TRAPPC9: variants seen among roughly 807,000 people sequenced by gnomAD.
TRAPPC9 encodes the protein IKK2 binding protein.
In TRAPPC9, 83 loss-of-function variants were observed where a neutral mutation model predicts 124.0. The ratio of observed to expected loss-of-function variants is 0.67; its 90% CI spans 0.56 to 0.80. The LOEUF (loss-of-function observed/expected upper bound fraction) is 0.80, where lower values mean the gene tolerates loss of function less well. TRAPPC9 is among the 30% of genes least tolerant of loss of function. TRAPPC9 has a pLI of 0.00. For synonymous variants in TRAPPC9, 638 were observed against 617.5 expected, an observed-to-expected ratio of 1.03 and a Z score of -0.49; for missense variants, 1,302 against 1,508.3, an observed-to-expected ratio of 0.86 and a Z score of 2.27.
chr8:139,898,191 C>A (rs548604756), intron 20 of TRAPPC9, among the ~76,000 whole-genome samples: 1 of 152,348 alleles, frequency 6.6e-6, no homozygotes, highest in Admixed American at 6.5e-5. Flanking sequence ...ATATGGCAGG[C>A]AGGGAGCCCC....
intron 10 of TRAPPC9, among the ~76,000 whole-genome samples, chr8:140,303,570 C>T (rs2066041904): frequency 6.6e-6 from 1 of 152,206 alleles, no homozygotes; most frequent in South Asian, 2.1e-4. Flanking sequence ...GGCTTGGCTG[C>T]CTCCTGGCAG....
At chr8:140,379,259 G>A (rs975707482) in intron 7 of TRAPPC9, among the ~76,000 whole-genome samples, 3 of 152,170 alleles carry the variant, frequency 2.0e-5, no homozygotes, top group African/African-American at 7.2e-5. Context: ...CCCTAGTGGA[G>A]GTCATCTCCC....
At chr8:139,892,201 C>T (rs996315537) in intron 20 of TRAPPC9, among the ~76,000 whole-genome samples, 15 of 152,242 alleles carry the variant, frequency 9.9e-5, no homozygotes, top group African/African-American at 3.6e-4. Context: ...ATCTCCTGCA[C>T]TGCTGTGCTG....
intron 21 of TRAPPC9, among the ~76,000 whole-genome samples, chr8:139,853,758 T>C (rs756886463): frequency 6.6e-6 from 1 of 152,132 alleles, no homozygotes; most frequent in Non-Finnish European, 1.5e-5. Context: ...ATGTGCTCAC[T>C]CTGAGCACCC....
At chr8:140,335,812 T>C (rs1273629571) in intron 9 of TRAPPC9, among the ~76,000 whole-genome samples, 1 of 151,194 alleles carries the variant, frequency 6.6e-6, no homozygotes, top group South Asian at 2.1e-4. Flanking sequence ...GTTCAAGCGA[T>C]TCTCCCGCTT....
intron 19 of TRAPPC9, among the ~76,000 whole-genome samples, chr8:139,914,528 C>T (rs2306078): frequency 0.78 from 118,622 of 152,114 alleles, 46,242 homozygotes; most frequent in Admixed American, 0.83. Context: ...GCTGGATGCC[C>T]AGCTCGGCTT....
At chr8:140,417,998 G>A (rs913626840) in intron 5 of TRAPPC9, among the ~76,000 whole-genome samples, 3 of 152,164 alleles carry the variant, frequency 2.0e-5, no homozygotes, top group Non-Finnish European at 4.4e-5. Flanking sequence ...ACTCATAAGT[G>A]GGAGCTGAAC....
chr8:140,114,999 T>C (rs2060852294), intron 17 of TRAPPC9, among the ~76,000 whole-genome samples: 1 of 152,178 alleles, frequency 6.6e-6, no homozygotes. Flanking sequence ...GGACACTTCC[T>C]GACTGAAGGA....
rs71320347 is a variant in TRAPPC9, at chr8:140,231,481, C to CTTTTTTTTTT, written c.2432-9908_2432-9899dup. Among the ~76,000 whole-genome samples, 16 of 56,990 alleles carry CTTTTTTTTTT rather than the reference C, an allele frequency of 2.8e-4. 1 individual carries two copies. The highest frequency in any genetic ancestry group is 1.1e-3 in the African/African-American group (15 of 13,764). The allele number at this position is 56,990 out of a possible 152,430, so 37.4% of individuals were successfully genotyped here. On this transcript the variant is annotated intron_variant, in intron 16 of 22. Coordinates refer to ENST00000438773, the MANE Select transcript of TRAPPC9 (RefSeq NM_001160372.4). ...AACTGCTAGTAAATCACTGCCTTTT[C>CTTTTTTTTTT]TTTTTTTTTTTTTTTTTTTTTTTTT...
At position 139,982,793 on chromosome 8, in the gene TRAPPC9, G is replaced by A. The variant is rs1158595690; in HGVS notation, c.2810+5933C>T. Among the ~76,000 whole-genome samples the A allele has an allele frequency of 4.6e-5, 7 of 152,108 alleles. No homozygotes were observed. The East Asian group carries it at 9.6e-4, about 21-fold the overall frequency. ...TAAAGTATGAGACTAACAAGATCTC[G>A]CTAAGAAATATGATAAGAGTGGCAT... On this transcript the variant is annotated intron_variant, in intron 19 of 22. Coordinates refer to ENST00000438773, the MANE Select transcript of TRAPPC9 (RefSeq NM_001160372.4).
At chr8:139,930,011 T>C (rs765403548) in intron 19 of TRAPPC9, among the ~76,000 whole-genome samples, 2 of 152,216 alleles carry the variant, frequency 1.3e-5, no homozygotes, top group African/African-American at 2.4e-5. Context: ...TTTGGCACTG[T>C]GCGTGGATTC....
At chr8:139,942,858 C>T (rs1161302062) in intron 19 of TRAPPC9, among the ~76,000 whole-genome samples, 1 of 152,148 alleles carries the variant, frequency 6.6e-6, no homozygotes, top group East Asian at 1.9e-4. Context: ...AGTCTGAAGA[C>T]AGAGTTTGGG....
chr8:139,733,508 T>C (rs2129959133), intron 21 of TRAPPC9, among the ~76,000 whole-genome samples: 2 of 152,250 alleles, frequency 1.3e-5, no homozygotes, highest in Non-Finnish European at 1.5e-5. Context: ...GTGGAGGTCC[T>C]GGAAGTGGGA....
At chr8:140,009,042 C>G (rs1204661175) in intron 18 of TRAPPC9, among the ~76,000 whole-genome samples, 1 of 152,142 alleles carries the variant, frequency 6.6e-6, no homozygotes, top group East Asian at 1.9e-4. Context: ...TTTTAGTCAT[C>G]TAAGGACGGG....
At chr8:140,074,749 G>A (rs1316146725) in intron 17 of TRAPPC9, among the ~76,000 whole-genome samples, 1 of 152,158 alleles carries the variant, frequency 6.6e-6, no homozygotes, top group Non-Finnish European at 1.5e-5. Flanking sequence ...GGCAATGCAG[G>A]CCTCTTGAAA....
chr8:139,812,954 G>T (rs1173114663), intron 21 of TRAPPC9, among the ~76,000 whole-genome samples: 4 of 152,218 alleles, frequency 2.6e-5, no homozygotes, highest in Non-Finnish European at 5.9e-5. Flanking sequence ...CTGCTAGAAG[G>T]TTCTAGAGCT....
intron 20 of TRAPPC9, 99 bp downstream of exon 20, chr8:139,910,048 G>A (rs1462160071): frequency 1.4e-6 from 2 of 1,409,200 alleles, no homozygotes; most frequent in East Asian, 2.3e-5. Context: ...GCTACCTGTG[G>A]TGAAAATTCA....
intron 17 of TRAPPC9, among the ~76,000 whole-genome samples, chr8:140,100,924 T>G (rs1488178353): frequency 6.6e-6 from 1 of 152,220 alleles, no homozygotes; most frequent in Non-Finnish European, 1.5e-5. Flanking sequence ...CCTTCTCGCT[T>G]TATTAACTAA....
intron 15 of TRAPPC9, among the ~76,000 whole-genome samples, chr8:140,264,296 C>T (rs1339697804): frequency 6.6e-6 from 1 of 152,106 alleles, no homozygotes; most frequent in Non-Finnish European, 1.5e-5. Flanking sequence ...TGCCTGTGGC[C>T]TCCCAAGGTG....
Sources: gnomAD v4.1 joint callset for allele counts (sites outside exome capture counted in the v4.1 genomes callset) on GRCh38, gnomAD v4.1.1 for gene constraint, MANE v1.5 for transcripts, NCBI Gene and HGNC (gene_info 2026-07-23, HGNC 2026-07-21) for gene names.